The following CHD6 variants were observed in gnomAD, a reference collection of about 807,000 sequenced individuals.
CHD6 encodes ATP-dependent chromatin remodeler CHD6.
A neutral mutation model predicts 276.9 loss-of-function variants in CHD6; 50 were observed. The ratio of observed to expected loss-of-function variants is 0.18; its 90% CI spans 0.14 to 0.23. The LOEUF is 0.23. Ranked by LOEUF, CHD6 falls within the 10% of genes least tolerant of loss-of-function variation. The pLI is 1.00. For missense variants in CHD6, 2,564 were observed against 3,365.8 expected, an observed-to-expected ratio of 0.76 and a Z score of 5.89; for synonymous variants, 1,173 against 1,229.3, an observed-to-expected ratio of 0.95 and a Z score of 0.96.
intron 1 of CHD6, among the ~76,000 whole-genome samples, chr20:41,558,097 C>G (rs924422642): frequency 2.0e-5 from 3 of 152,146 alleles, no homozygotes. Context: ...TATCAAGACT[C>G]CTGACCTCGG....
chr20:41,493,634 T>C lies in CHD6; in HGVS notation c.1218A>G (p.Pro406=). The change falls in exon 10 of 37, where the codon CCA becomes CCG. Residue 406 remains proline (P), a synonymous_variant. Coordinates refer to ENST00000373233, the MANE Select transcript of CHD6 (RefSeq NM_032221.5). ...THYLVKWCSL[P]YEESTWELEE... ...CTAGCTCCCACGTGCTTTCTTCATATGGTAGTGAGCACCACTTCACCAGGT... is the reference window on the plus strand; with the variant it reads ...CTAGCTCCCACGTGCTTTCTTCATACGGTAGTGAGCACCACTTCACCAGGT... 13 of 1,613,890 alleles carry C rather than the reference T, an allele frequency of 8.1e-6. No individual in the cohort carries two copies. The highest frequency in any genetic ancestry group is 1.1e-5 in the Non-Finnish European group (13 of 1,179,810).
chr20:41,572,581 G>A lies in CHD6; in HGVS notation c.-23-21221C>T, dbSNP rs191900836. Among the ~76,000 whole-genome samples, 183 of 152,248 alleles carry A rather than the reference G, an allele frequency of 1.2e-3. 1 individual carries two copies. Among genetic ancestry groups the A allele is most frequent in the African/African-American group, 4.3e-3 (179 of 41,546 alleles). On this transcript the variant is annotated intron_variant, in intron 1 of 36. Transcript: ENST00000373233. The stretch of plus-strand genomic sequence containing the variant: ...GCCTGGCTCATCTGGAACCCAAAGC[G>A]TTGTTTAACAGGGCCTTCCCAATGC...
rs148679992 is a variant in CHD6 at position 41,448,408 on chromosome 20, G to A, written c.3684-437C>T. Among the ~76,000 whole-genome samples, 466 of 152,238 alleles carry A rather than the reference G, an allele frequency of 3.1e-3. 2 individuals carry two copies. The highest frequency in any genetic ancestry group is 0.024 in the Middle Eastern group (7 of 294). On this transcript the variant is annotated intron_variant, in intron 23 of 36. Coordinates refer to ENST00000373233, the MANE Select transcript of CHD6 (RefSeq NM_032221.5). Reference sequence around the variant, plus strand: ...GAATAAAGGCAAGTGTCTATTTTTCGTGGCAATATGTCTTCTCTTCTGAGG... The same window carrying A: ...GAATAAAGGCAAGTGTCTATTTTTCATGGCAATATGTCTTCTCTTCTGAGG...
intron 1 of CHD6, among the ~76,000 whole-genome samples, chr20:41,599,959 G>A (rs1042811885): frequency 1.3e-5 from 2 of 152,176 alleles, no homozygotes; most frequent in African/African-American, 4.8e-5. Context: ...GAACTATATA[G>A]GGATTTAAAA....
chr20:41,569,326 A>G (rs994822783), intron 1 of CHD6, among the ~76,000 whole-genome samples: 2 of 152,210 alleles, frequency 1.3e-5, no homozygotes, highest in African/African-American at 2.4e-5. Flanking sequence ...CACCATCTAC[A>G]CCATATGTGA....
rs2046589165 is a variant in CHD6 at position 41,403,627 on chromosome 20, G to A, written c.*966C>T. 1 of 1,061,926 alleles carries A rather than the reference G, an allele frequency of 9.4e-7. No homozygotes were observed. The highest frequency in any genetic ancestry group is 1.1e-6 in the Non-Finnish European group (1 of 877,162). 65.8% of individuals were successfully genotyped at this position (1,061,926 alleles called of 1,614,324 possible). On this transcript the variant is annotated 3_prime_UTR_variant, in exon 37 of 37. Transcript: ENST00000373233. ...CTACTAGCAAGTGTCAAAGTGTTGGGCAACTGTCTTCTTGCAGGCTCCAGA... is the reference window on the plus strand; with the variant it reads ...CTACTAGCAAGTGTCAAAGTGTTGGACAACTGTCTTCTTGCAGGCTCCAGA...
At chr20:41,431,464 A>C (rs2047535129) in intron 27 of CHD6, among the ~76,000 whole-genome samples, 1 of 152,138 alleles carries the variant, frequency 6.6e-6, no homozygotes, top group African/African-American at 2.4e-5. Flanking sequence ...TCACTTGGGG[A>C]CAATGCTACA....
chr20:41,410,566 C>T (rs553795449), intron 36 of CHD6, among the ~76,000 whole-genome samples: 2 of 152,160 alleles, frequency 1.3e-5, no homozygotes, highest in East Asian at 3.8e-4. Context: ...TGCCCCTGTT[C>T]GGAAGGCTGA....
chr20:41,404,791 C>T lies in CHD6; in HGVS notation c.7950G>A (p.Leu2650=), dbSNP rs749105703. ...QQARHSEIVG[L]ESQKRKKKKT... Reference sequence around the variant, plus strand: ...TCTTCTTCTTCCTCTTCTGGCTCTCCAGACCTACTATTTCCGAGTGTCTGG... The same window carrying T: ...TCTTCTTCTTCCTCTTCTGGCTCTCTAGACCTACTATTTCCGAGTGTCTGG... The change falls in exon 37 of 37, where the codon CTG becomes CTA. Residue 2650 remains leucine, a synonymous_variant. Coordinates refer to ENST00000373233, the MANE Select transcript of CHD6 (RefSeq NM_032221.5). 1 of 1,612,608 alleles carries T rather than the reference C, an allele frequency of 6.2e-7. No homozygotes were observed. The highest frequency in any genetic ancestry group is 1.7e-5 in the Admixed American group (1 of 59,898).
chr20:41,404,565 C>A lies in CHD6; in HGVS notation c.*28G>T. On this transcript the variant is annotated 3_prime_UTR_variant, in exon 37 of 37. Coordinates refer to ENST00000373233, the MANE Select transcript of CHD6 (RefSeq NM_032221.5). ...TTTATGGGATAAGAAACTTACAAGT[C>A]ACAATAATTTCTTAAATGAAAAAAG... 1 of 1,469,064 alleles carries A rather than the reference C, an allele frequency of 6.8e-7. No homozygotes were observed. Among genetic ancestry groups the A allele is most frequent in the South Asian group, 1.6e-5 (1 of 60,894 alleles). 91.0% of individuals were successfully genotyped at this position (1,469,064 alleles called of 1,614,324 possible).
Position 41,421,634 on chromosome 20 carries a change from G to A in CHD6, c.5001C>T (p.Ser1667=). 1 of 1,613,892 alleles carries A rather than the reference G, an allele frequency of 6.2e-7. No individual in the cohort carries two copies. Among genetic ancestry groups the A allele is most frequent in the Non-Finnish European group, 8.5e-7 (1 of 1,179,890 alleles). Residue 1667 remains serine (S), a synonymous_variant, in exon 31 of 37, where the codon AGC becomes AGT. Coordinates refer to ENST00000373233, the MANE Select transcript of CHD6 (RefSeq NM_032221.5). ...NEPENLVRVE[S]RDDHLSLPDV... Reference sequence around the variant, plus strand: ...CAGGCAGGCTGAGATGATCATCTCTGCTTTCTACTCTCACTAGATTTTCAG... The same window carrying A: ...CAGGCAGGCTGAGATGATCATCTCTACTTTCTACTCTCACTAGATTTTCAG...
rs2048429777 is a variant in CHD6, at chr20:41,458,021, CACTTAAAAACA to C, written c.2665-604_2665-594del. ...AAAATATATATTATTATCATTGTCA[CACTTAAAAACA>C]ACTGCATTTCTGCTGTGTCACTGAA... On this transcript the variant is annotated intron_variant, in intron 17 of 36. Coordinates refer to ENST00000373233, the MANE Select transcript of CHD6 (RefSeq NM_032221.5). 2.0e-5 allele frequency among the ~76,000 whole-genome samples: 3 copies of C among 152,270 alleles called. No individual in the cohort carries two copies. The South Asian group carries it at 6.2e-4, about 32-fold the overall frequency.
In CHD6 at chr20:41,415,548, C is replaced by G. The variant is rs971483863; in HGVS notation, c.6577G>C (p.Gly2193Arg). 2 of 1,614,104 alleles carry G rather than the reference C, an allele frequency of 1.2e-6. No homozygotes were observed. Among genetic ancestry groups the G allele is most frequent in the African/African-American group, 2.7e-5 (2 of 75,046 alleles). ...FEVERDAKAR[G>R]LEQFSATHGH... ...TGGGTGGCAGAGAACTGCTCCAGGC[C>G]CCGAGCCTTTGCATCCCTCTCCACC... Residue 2193 changes from glycine to arginine, a missense_variant, in exon 34 of 37, where the codon GGC (glycine) becomes CGC (arginine). Physicochemically the swap from Gly to Arg is moderately radical, Grantham distance 125 (BLOSUM62 -2). Coordinates refer to ENST00000373233, the MANE Select transcript of CHD6 (RefSeq NM_032221.5).
chr20:41,489,705 C>T lies in CHD6; in HGVS notation c.1680+73G>A, dbSNP rs902008277. On this transcript the variant is annotated intron_variant, in intron 12 of 36. Transcript: ENST00000373233. Reference sequence around the variant, plus strand: ...TACAAGATGCAGGGCACTGGAACTTCTGAAGATAAGTGACAGAAAGGCTGT... The same window carrying T: ...TACAAGATGCAGGGCACTGGAACTTTTGAAGATAAGTGACAGAAAGGCTGT... The T allele has an allele frequency of 1.3e-5, 21 of 1,591,218 alleles. No individual in the cohort carries two copies. In the African/African-American group the frequency reaches 2.7e-4, roughly 20 times the overall value.
At chr20:41,414,881 TC>T in intron 34 of CHD6, 1 of 1,246,088 alleles carries the variant, frequency 8.0e-7, no homozygotes, top group Non-Finnish European at 1.0e-6. Context: ...AACCCTGCCA[TC>T]TTGCTCTGCC....
intron 3 of CHD6, among the ~76,000 whole-genome samples, chr20:41,529,154 T>G (rs1350856166): frequency 6.6e-6 from 1 of 152,244 alleles, no homozygotes; most frequent in Non-Finnish European, 1.5e-5. Context: ...CTTAACTTTT[T>G]GAACTTTCAT....
chr20:41,461,928 G>A (rs1375075020), intron 17 of CHD6: 1 of 152,196 alleles, frequency 6.6e-6, no homozygotes, highest in African/African-American at 2.4e-5. Flanking sequence ...CAGAGCAAAG[G>A]TCTTCATAGC....
At chr20:41,528,373 T>A (rs764024742) in intron 3 of CHD6, among the ~76,000 whole-genome samples, 20 of 152,108 alleles carry the variant, frequency 1.3e-4, no homozygotes, top group Admixed American at 8.5e-4. Flanking sequence ...TAAACGTACA[T>A]CTGTGTATGT....
chr20:41,545,731 C>A (rs1489383740), intron 2 of CHD6, among the ~76,000 whole-genome samples: 1 of 152,100 alleles, frequency 6.6e-6, no homozygotes, highest in Non-Finnish European at 1.5e-5. Context: ...CCCTTGGTCA[C>A]CACCCAAAAT....
Sources: allele counts gnomAD v4.1 joint callset (sites outside exome capture counted in the v4.1 genomes callset), GRCh38; gene constraint gnomAD v4.1.1; transcripts MANE v1.5; gene names NCBI Gene and HGNC (gene_info 2026-07-23, HGNC 2026-07-21).